The following PHLPP1 variants were observed in gnomAD, a reference collection of about 807,000 sequenced individuals.
PHLPP1 encodes PH domain and leucine rich repeat protein phosphatase 1.
Under a neutral mutation model 117.2 loss-of-function variants are expected in PHLPP1, and 42 were observed. The observed-to-expected ratio is 0.36, with a 90% CI of 0.28 to 0.46. The LOEUF (loss-of-function observed/expected upper bound fraction) is 0.46. Ranked by LOEUF, PHLPP1 falls within the 20% of genes least tolerant of loss-of-function variation. The pLI, the probability that PHLPP1 is intolerant of heterozygous loss-of-function variation, is 1.00. For synonymous variants in PHLPP1, 1,042 were observed against 970.7 expected, an observed-to-expected ratio of 1.07 and a Z score of -1.37; for missense variants, 2,084 against 2,241.9, an observed-to-expected ratio of 0.93 and a Z score of 1.42.
At chr18:62,763,854 C>T (rs1292660812) in intron 1 of PHLPP1, among the ~76,000 whole-genome samples, 1 of 151,984 alleles carries the variant, frequency 6.6e-6, no homozygotes, top group Non-Finnish European at 1.5e-5. Flanking sequence ...CGCTTAAATG[C>T]TCAAATAGTT....
At chr18:62,858,971 A>C (rs1915564667) in intron 3 of PHLPP1, among the ~76,000 whole-genome samples, 1 of 152,192 alleles carries the variant, frequency 6.6e-6, no homozygotes, top group Admixed American at 6.5e-5. Context: ...TCAGTGATCT[A>C]TTCAAGTTAT....
chr18:62,932,957 A>G (rs911911579), intron 10 of PHLPP1, among the ~76,000 whole-genome samples: 3 of 152,216 alleles, frequency 2.0e-5, no homozygotes, highest in African/African-American at 7.2e-5. Context: ...TAGCATTCCT[A>G]TACACCAGTA....
At chr18:62,847,602 A>C (rs970959285) in intron 3 of PHLPP1, among the ~76,000 whole-genome samples, 4 of 152,226 alleles carry the variant, frequency 2.6e-5, no homozygotes, top group African/African-American at 4.8e-5. Flanking sequence ...GGGCCCTTGT[A>C]AGGTAGTTGA....
chr18:62,781,866 T>A (rs1177082485), intron 1 of PHLPP1, among the ~76,000 whole-genome samples: 1 of 152,186 alleles, frequency 6.6e-6, no homozygotes, highest in Non-Finnish European at 1.5e-5. Context: ...TATGAGAAAT[T>A]TTTAGCTGTG....
intron 1 of PHLPP1, among the ~76,000 whole-genome samples, chr18:62,798,321 C>T (rs1182018790): frequency 6.6e-6 from 1 of 152,152 alleles, no homozygotes; most frequent in African/African-American, 2.4e-5. Flanking sequence ...TGCTTGGGAT[C>T]CAGGTGTGCA....
At chr18:62,963,821 A>G (rs1910832235) in intron 14 of PHLPP1, among the ~76,000 whole-genome samples, 1 of 152,238 alleles carries the variant, frequency 6.6e-6, no homozygotes, top group Admixed American at 6.5e-5. Flanking sequence ...TTGTTTACCA[A>G]GCAAAACAGA....
chr18:62,765,618 T>A (rs1387441460), intron 1 of PHLPP1, among the ~76,000 whole-genome samples: 2 of 152,156 alleles, frequency 1.3e-5, no homozygotes, highest in African/African-American at 4.8e-5. Context: ...CTTCCATGTA[T>A]CTGCTTAAGT....
At chr18:62,752,407 CT>C (rs1911885869) in intron 1 of PHLPP1, among the ~76,000 whole-genome samples, 1 of 152,190 alleles carries the variant, frequency 6.6e-6, no homozygotes, top group Admixed American at 6.5e-5. Context: ...TCTGCATGGT[CT>C]TTAAAAGTAA....
At chr18:62,939,150 C>T (rs1264743204) in intron 10 of PHLPP1, among the ~76,000 whole-genome samples, 2 of 151,816 alleles carry the variant, frequency 1.3e-5, no homozygotes, top group Non-Finnish European at 2.9e-5. Context: ...GCCACCACAC[C>T]CAGCTAATAT....
At chr18:62,730,928 C>G (rs984152579) in intron 1 of PHLPP1, among the ~76,000 whole-genome samples, 3 of 151,908 alleles carry the variant, frequency 2.0e-5, no homozygotes, top group Admixed American at 6.6e-5. Flanking sequence ...GAAATTGCCA[C>G]AGATGTTAAT....
chr18:62,942,198 T>G (rs1910148971), intron 11 of PHLPP1, among the ~76,000 whole-genome samples: 1 of 152,218 alleles, frequency 6.6e-6, no homozygotes, highest in African/African-American at 2.4e-5. Context: ...TTACTTCTTT[T>G]TAACCAGTCA....
At chr18:62,883,283 C>G (rs1916209645) in intron 4 of PHLPP1, among the ~76,000 whole-genome samples, 1 of 152,066 alleles carries the variant, frequency 6.6e-6, no homozygotes, top group South Asian at 2.1e-4. Flanking sequence ...TGGGAAACAC[C>G]AGACAGCAGG....
At chr18:62,924,212 CTT>C (rs1909558092) in intron 10 of PHLPP1, among the ~76,000 whole-genome samples, 2 of 152,142 alleles carry the variant, frequency 1.3e-5, no homozygotes, top group African/African-American at 4.8e-5. Context: ...ATTGGTGAGA[CTT>C]TGCTTCAGTT....
intron 1 of PHLPP1, among the ~76,000 whole-genome samples, chr18:62,786,150 G>A (rs780378428): frequency 6.6e-6 from 1 of 152,190 alleles, no homozygotes; most frequent in Non-Finnish European, 1.5e-5. Context: ...TAATATAGGC[G>A]TCTGTGGCTA....
At chr18:62,893,189 C>T (rs559693316) in intron 4 of PHLPP1, among the ~76,000 whole-genome samples, 1 of 152,020 alleles carries the variant, frequency 6.6e-6, no homozygotes, top group South Asian at 2.1e-4. Context: ...CTACAGGTGC[C>T]CACCAACATG....
intron 6 of PHLPP1, among the ~76,000 whole-genome samples, chr18:62,900,301 T>TAATAAATAAATAAATA (rs142418645): frequency 6.9e-6 from 1 of 144,672 alleles, no homozygotes; most frequent in Admixed American, 7.0e-5. Context: ...TGCCTTAAAA[T>TAATAAATAAATAAATA]AATAAATAAA....
At chr18:62,768,112 T>C (rs10153412) in intron 1 of PHLPP1, among the ~76,000 whole-genome samples, 31,953 of 152,100 alleles carry the variant, frequency 0.21, 4,952 homozygotes, top group African/African-American at 0.44. Flanking sequence ...TCATTGACAC[T>C]GAATTTAATT....
At chr18:62,723,636 A>T (rs189755026) in intron 1 of PHLPP1, among the ~76,000 whole-genome samples, 1 of 152,216 alleles carries the variant, frequency 6.6e-6, no homozygotes, top group Admixed American at 6.5e-5. Context: ...AATACCAGGC[A>T]TGTTTTTAAA....
At chr18:62,852,038 G>A (rs1055042075) in intron 3 of PHLPP1, among the ~76,000 whole-genome samples, 1 of 151,600 alleles carries the variant, frequency 6.6e-6, no homozygotes, top group Non-Finnish European at 1.5e-5. Flanking sequence ...CACCACACCT[G>A]GCCAATTTTT....
Sources: gnomAD v4.1 joint callset for allele counts (sites outside exome capture counted in the v4.1 genomes callset) on GRCh38, gnomAD v4.1.1 for gene constraint, MANE v1.5 for transcripts, NCBI Gene and HGNC (gene_info 2026-07-23, HGNC 2026-07-21) for gene names.